The following DST variants were observed in gnomAD, a reference collection of about 807,000 sequenced individuals.
The protein encoded by DST is bullous pemphigoid antigen.
A neutral mutation model predicts 875.2 loss-of-function variants in DST; 253 were observed. The ratio of observed to expected loss-of-function variants is 0.29; its 90% CI spans 0.26 to 0.32. DST has a LOEUF of 0.32. Ranked by LOEUF, DST falls within the 10% of genes least tolerant of loss-of-function variation. The probability of loss-of-function intolerance (pLI) is 1.00; values close to 1 mark genes in which losing one functional copy is unlikely to be tolerated. For missense variants in DST, 8,287 were observed against 9,111.6 expected, an observed-to-expected ratio of 0.91 and a Z score of 3.68; for synonymous variants, 3,124 against 3,197.1, an observed-to-expected ratio of 0.98 and a Z score of 0.77.
At chr6:56,713,286 A>G (rs929940888) in intron 5 of DST, among the ~76,000 whole-genome samples, 1 of 152,156 alleles carries the variant, frequency 6.6e-6, no homozygotes, top group Admixed American at 6.6e-5. Flanking sequence ...CTACTTTGCA[A>G]TTCTGATTAA....
At position 56,601,447 on chromosome 6, in the gene DST, T is replaced by C. The variant is rs768165105; in HGVS notation, c.11537A>G (p.Gln3846Arg). 16 of 1,584,616 alleles carry C rather than the reference T, an allele frequency of 1.0e-5. No individual in the cohort carries two copies. In the Middle Eastern group the frequency reaches 5.0e-4, roughly 49 times the overall value. Residue 3846 changes from glutamine to arginine, a missense_variant, in exon 44 of 104, where the codon CAG becomes CGG. Physicochemically the swap from Gln to Arg is conservative, Grantham distance 43. Coordinates refer to ENST00000680361, the MANE Select transcript of DST (RefSeq NM_001374736.1). ...QLHLEQDLDD[Q>R]KIVAERQQEY... ...ACTCCACGAAGAAAGGCAAACCTTC[T>C]GATCATCAAGATCTTGTTCTAGATG...
intron 72 of DST, among the ~76,000 whole-genome samples, chr6:56,512,311 G>C (rs1479283934): frequency 6.6e-6 from 1 of 152,174 alleles, no homozygotes; most frequent in Non-Finnish European, 1.5e-5. Flanking sequence ...AAGATGTGTT[G>C]GAAGCCTGAA....
intron 82 of DST, 30 bp downstream of exon 82, chr6:56,497,349 G>A: frequency 1.2e-6 from 2 of 1,604,998 alleles, no homozygotes; most frequent in Non-Finnish European, 1.7e-6. Context: ...GTTATTCTGA[G>A]GCTAAAGCTG....
chr6:56,552,046 C>G, intron 61 of DST, 138 bp downstream of exon 61: 5 of 979,870 alleles, frequency 5.1e-6, no homozygotes, highest in Non-Finnish European at 7.4e-6. Flanking sequence ...GTGTTACCCC[C>G]ATATATGCTC....
intron 2 of DST, among the ~76,000 whole-genome samples, chr6:56,918,054 G>T (rs2127732832): frequency 6.6e-6 from 1 of 151,916 alleles, no homozygotes; most frequent in East Asian, 1.9e-4. Context: ...AACAAAAATG[G>T]GATCTTGTTT....
At chr6:56,950,604 A>G (rs1821828959) in intron 2 of DST, among the ~76,000 whole-genome samples, 1 of 152,250 alleles carries the variant, frequency 6.6e-6, no homozygotes, top group African/African-American at 2.4e-5. Flanking sequence ...CTTGGTTTCT[A>G]GACTGTCTTG....
At chr6:56,766,365 T>C (rs1002900595) in intron 4 of DST, among the ~76,000 whole-genome samples, 3 of 152,170 alleles carry the variant, frequency 2.0e-5, no homozygotes, top group Non-Finnish European at 4.4e-5. Flanking sequence ...GCATGCCAAG[T>C]ACTAACCAGG....
intron 4 of DST, among the ~76,000 whole-genome samples, chr6:56,829,553 T>C (rs1466010845): frequency 2.0e-5 from 3 of 152,146 alleles, no homozygotes; most frequent in African/African-American, 7.2e-5. Flanking sequence ...ATGGAATCAA[T>C]AGTAGTTTCT....
chr6:56,656,828 C>G (rs1369137070), intron 10 of DST, among the ~76,000 whole-genome samples: 2 of 152,080 alleles, frequency 1.3e-5, no homozygotes, highest in African/African-American at 4.8e-5. Flanking sequence ...ATATTGGTAA[C>G]CCCCATAAAG....
chr6:56,466,914 A>G (rs2094601976), intron 98 of DST: 1 of 152,202 alleles, frequency 6.6e-6, no homozygotes, highest in Non-Finnish European at 1.5e-5. Flanking sequence ...AGTTGTCTGT[A>G]CCATAACTGT....
At chr6:56,579,111 G>A (rs1341585917) in intron 49 of DST, among the ~76,000 whole-genome samples, 174 bp from the exon 50 acceptor site, 1 of 152,200 alleles carries the variant, frequency 6.6e-6, no homozygotes, top group African/African-American at 2.4e-5. Context: ...CAGTTATAAA[G>A]CAGCATTAGC....
At chr6:56,751,390 T>A (rs1011234723) in intron 4 of DST, among the ~76,000 whole-genome samples, 20 of 152,344 alleles carry the variant, frequency 1.3e-4, no homozygotes, top group African/African-American at 4.3e-4. Context: ...GGTAAGATAA[T>A]CAGTAATTTT....
intron 9 of DST, chr6:56,693,290 G>C: frequency 8.5e-7 from 1 of 1,175,328 alleles, no homozygotes; most frequent in Middle Eastern, 2.5e-4. Flanking sequence ...TCAGTCTGAG[G>C]CCATTTTGCT....
At chr6:56,718,588 A>G (rs1461965658) in intron 5 of DST, among the ~76,000 whole-genome samples, 2 of 152,224 alleles carry the variant, frequency 1.3e-5, no homozygotes, top group African/African-American at 4.8e-5. Flanking sequence ...ACATGTGTCT[A>G]CACAAAGTCT....
intron 16 of DST, 32 bp from the exon 17 acceptor site, chr6:56,642,133 G>C (rs769105632): frequency 6.4e-7 from 1 of 1,555,366 alleles, no homozygotes; most frequent in South Asian, 1.1e-5. Flanking sequence ...TATTAATTCT[G>C]TGAAACAAGT....
intron 4 of DST, among the ~76,000 whole-genome samples, chr6:56,831,516 C>T (rs924333943): frequency 2.6e-5 from 4 of 152,022 alleles, no homozygotes; most frequent in African/African-American, 9.7e-5. Flanking sequence ...CCTTCAAATG[C>T]CAGCCCTGCT....
chr6:56,720,157 C>T (rs1355462872), intron 5 of DST, among the ~76,000 whole-genome samples: 1 of 152,138 alleles, frequency 6.6e-6, no homozygotes, highest in Non-Finnish European at 1.5e-5. Flanking sequence ...CCCAAGGGAG[C>T]CATTTTAGAG....
chr6:56,506,640 C>T (rs2096324267), intron 76 of DST, 27 bp downstream of exon 76: 2 of 1,612,392 alleles, frequency 1.2e-6, no homozygotes, highest in South Asian at 1.1e-5. Flanking sequence ...TTTTTAAAAG[C>T]CATTCTGATA....
rs775710570 is a variant in DST, at chr6:56,515,607, T to C, written c.18419A>G (p.Tyr6140Cys). ...GGACTGTGCCCGTTCCAGCTGCAGA[T>C]ACCTTTCTGAATTAATCTGGCAGAT... ...DTICQINSERYLQLERAQSLV... is the reference protein window; with the variant it reads ...DTICQINSERCLQLERAQSLV... Residue 6140 changes from tyrosine to cysteine, a missense_variant, in exon 72 of 104, where the codon TAT (tyrosine) becomes TGT (cysteine). By Grantham distance (194) the Tyr-to-Cys change is radical. Transcript: ENST00000680361. The C allele has an allele frequency of 1.9e-6, 3 of 1,613,738 alleles. No individual in the cohort carries two copies. Among genetic ancestry groups the C allele is most frequent in the South Asian group, 1.1e-5 (1 of 91,060 alleles).
Sources: gnomAD v4.1 joint callset for allele counts (sites outside exome capture counted in the v4.1 genomes callset) on GRCh38, gnomAD v4.1.1 for gene constraint, MANE v1.5 for transcripts, NCBI Gene and HGNC (gene_info 2026-07-23, HGNC 2026-07-21) for gene names.